DNAAF9: variants seen among roughly 807,000 people sequenced by gnomAD.
DNAAF9 encodes dynein axonemal assembly factor 9, also known as shulin.
Under a neutral mutation model 167.0 loss-of-function variants are expected in DNAAF9, and 90 were observed. The ratio of observed to expected loss-of-function variants is 0.54; its 90% CI spans 0.45 to 0.64. DNAAF9 has a LOEUF of 0.64. Among genes scored for constraint, DNAAF9 ranks in the 30% least tolerant of loss-of-function variants. DNAAF9 has a pLI of 0.00. For synonymous variants in DNAAF9, 491 were observed against 508.8 expected (o/e 0.96, Z 0.47); for missense variants, 1,315 against 1,442.2 (o/e 0.91, Z 1.43).
At chr20:3,316,095 G>A (rs1014087400) in intron 18 of DNAAF9, 1 of 435,734 alleles carries the variant, frequency 2.3e-6, no homozygotes, top group Admixed American at 3.9e-5. Context: ...TAGGGATGAA[G>A]CAAAGATAAT....
chr20:3,351,020 A>G (rs78040022), intron 7 of DNAAF9, among the ~76,000 whole-genome samples: 2,931 of 152,320 alleles, frequency 0.019, 40 homozygotes, highest in Non-Finnish European at 0.029. Context: ...CAAAACAAAA[A>G]GAGAACCAAT....
At chr20:3,329,324 T>C (rs766550493) in intron 12 of DNAAF9, among the ~76,000 whole-genome samples, 1 of 152,218 alleles carries the variant, frequency 6.6e-6, no homozygotes, top group Non-Finnish European at 1.5e-5. Context: ...TGTGCCACTA[T>C]GTCCAGCTAA....
At chr20:3,343,813 A>C in intron 8 of DNAAF9, 82 bp from the exon 9 acceptor site, 1 of 1,010,198 alleles carries the variant, frequency 9.9e-7, no homozygotes, top group South Asian at 1.3e-5. Flanking sequence ...GTATGTATGT[A>C]CACACATGCT....
At chr20:3,312,162 A>C (rs1436978032) in intron 20 of DNAAF9, among the ~76,000 whole-genome samples, 1 of 151,844 alleles carries the variant, frequency 6.6e-6, no homozygotes, top group Non-Finnish European at 1.5e-5. Flanking sequence ...CTAATTTTGT[A>C]GTGTTAGTAG....
Position 3,381,747 on chromosome 20 carries a change from T to C in DNAAF9, c.164-249A>G, listed in dbSNP as rs545170405. 1.6e-3 allele frequency among the ~76,000 whole-genome samples: 243 copies of C among 152,328 alleles called. 1 individual carries two copies. Among genetic ancestry groups the C allele is most frequent in the Non-Finnish European group, 2.3e-3 (159 of 68,030 alleles). On this transcript the variant is annotated intron_variant, in intron 2 of 36. Transcript: ENST00000252032. ...GCACAGATTATGGAGCCTGTTAATTTCTGAAAAGGATTCATCTTGGAATGC... is the reference window on the plus strand; with the variant it reads ...GCACAGATTATGGAGCCTGTTAATTCCTGAAAAGGATTCATCTTGGAATGC...
chr20:3,346,312 C>T (rs1050736138), intron 8 of DNAAF9, among the ~76,000 whole-genome samples: 25 of 152,078 alleles, frequency 1.6e-4, no homozygotes, highest in African/African-American at 4.8e-4. Context: ...TCACTAGGTA[C>T]GTATATATAC....
intron 31 of DNAAF9, among the ~76,000 whole-genome samples, chr20:3,262,193 C>G (rs1052612674): frequency 7.9e-5 from 12 of 151,754 alleles, no homozygotes; most frequent in Non-Finnish European, 1.8e-4. Context: ...TGGGGTCCCT[C>G]CATCTCTGAT....
rs532411149 is a variant in DNAAF9, at chr20:3,390,716, G to A, written c.84-8210C>T. On this transcript the variant is annotated intron_variant, in intron 1 of 36. Transcript: ENST00000252032. ...ATTTTCATAATAAAAATACGGGGGT[G>A]AGAGGAAAGAAAGTCTTAGAAGCAG... Among the ~76,000 whole-genome samples the A allele has an allele frequency of 3.9e-5, 6 of 152,252 alleles. 1 individual carries two copies. Among genetic ancestry groups the A allele is most frequent in the African/African-American group, 1.2e-4 (5 of 41,554 alleles).
At chr20:3,363,228 C>CA (rs550155552) in intron 6 of DNAAF9, among the ~76,000 whole-genome samples, 25,539 of 104,820 alleles carry the variant, frequency 0.24, 2,695 homozygotes, top group African/African-American at 0.31. Context: ...GACTCCGTCT[C>CA]AAAAAAAAAA....
chr20:3,301,068 G>A (rs2069177631), intron 21 of DNAAF9, among the ~76,000 whole-genome samples: 2 of 150,292 alleles, frequency 1.3e-5, no homozygotes, highest in South Asian at 4.2e-4. Context: ...AGGCTGGAGT[G>A]CAGTGGTACA....
In DNAAF9 at chr20:3,316,843, G is replaced by A. The variant is rs781710892; in HGVS notation, c.1469-50C>T. The A allele has an allele frequency of 3.7e-6, 5 of 1,336,688 alleles. No homozygotes were observed. The African/African-American group carries it at 5.8e-5, about 16-fold the overall frequency. The allele number at this position is 1,336,688 out of a possible 1,614,324, so 82.8% of individuals were successfully genotyped here. On this transcript the variant is annotated intron_variant, in intron 17 of 36. Coordinates refer to ENST00000252032, the MANE Select transcript of DNAAF9 (RefSeq NM_001009984.3). ...AGTTAATTCCCTACCAGCTCAGCCT[G>A]CCTTGCAGGCCCCAGACCCTAAATG...
In DNAAF9 at chr20:3,287,629, C is replaced by T. The variant is rs201004753; in HGVS notation, c.2486+3G>A. On this transcript the variant is annotated splice_donor_region_variant and intron_variant, in intron 27 of 36. Transcript: ENST00000252032. The stretch of plus-strand genomic sequence containing the variant: ...CTGTTTCCAGGAGACTTCCAATGCT[C>T]ACCCTTGTAACACCACCAGCAGTCT... 2.7e-5 allele frequency: 43 copies of T among 1,614,016 alleles called. No individual in the cohort carries two copies. Among genetic ancestry groups the T allele is most frequent in the Non-Finnish European group, 3.6e-5 (43 of 1,179,974 alleles).
chr20:3,360,313 C>T (rs1382370456), intron 6 of DNAAF9, among the ~76,000 whole-genome samples: 2 of 152,064 alleles, frequency 1.3e-5, no homozygotes, highest in African/African-American at 4.8e-5. Flanking sequence ...ACACCCATTC[C>T]TATTCACAAA....
At chr20:3,313,868 C>T (rs907993466) in intron 20 of DNAAF9, among the ~76,000 whole-genome samples, 1 of 152,082 alleles carries the variant, frequency 6.6e-6, no homozygotes, top group Non-Finnish European at 1.5e-5. Context: ...CCAGAGCAAA[C>T]CAAGAGCAAA....
intron 29 of DNAAF9, among the ~76,000 whole-genome samples, chr20:3,273,595 T>C (rs965722166): frequency 3.7e-5 from 4 of 109,334 alleles, no homozygotes; most frequent in African/African-American, 1.4e-4. Flanking sequence ...CCAGGTCTCC[T>C]GTGAACTCAA....
At chr20:3,294,405 G>A (rs930978757) in intron 24 of DNAAF9, 123 bp downstream of exon 24, 49 of 806,558 alleles carry the variant, frequency 6.1e-5, no homozygotes, top group Non-Finnish European at 9.6e-5. Flanking sequence ...GTGTGTTACT[G>A]CGACATTTTA....
chr20:3,379,844 G>C (rs117666635), intron 3 of DNAAF9, among the ~76,000 whole-genome samples: 9,453 of 151,796 alleles, frequency 0.062, 376 homozygotes, highest in Non-Finnish European at 0.082. Context: ...GATCACCTGA[G>C]GTCAGGAGTT....
At chr20:3,253,559 G>A (rs764099441) in intron 36 of DNAAF9, among the ~76,000 whole-genome samples, 167 bp downstream of exon 36, 1 of 152,146 alleles carries the variant, frequency 6.6e-6, no homozygotes, top group Non-Finnish European at 1.5e-5. Flanking sequence ...TGAAAAGTTC[G>A]CCCCTGAGGT....
intron 30 of DNAAF9, among the ~76,000 whole-genome samples, chr20:3,268,286 C>T (rs1222294209): frequency 2.6e-5 from 4 of 151,336 alleles, no homozygotes; most frequent in Admixed American, 1.3e-4. Context: ...ACGCCCGCCT[C>T]GCCCTCCCAA....
Sources: allele counts gnomAD v4.1 joint callset (sites outside exome capture counted in the v4.1 genomes callset), GRCh38; gene constraint gnomAD v4.1.1; transcripts MANE v1.5; gene names NCBI Gene and HGNC (gene_info 2026-07-23, HGNC 2026-07-21).